The following ADAMTS18 variants were observed in gnomAD, a reference collection of about 807,000 sequenced individuals.
The protein encoded by ADAMTS18 is A disintegrin and metalloproteinase with thrombospondin motifs 18.
Under a neutral mutation model 165.9 loss-of-function variants are expected in ADAMTS18, and 157 were observed. The ratio of observed to expected loss-of-function variants is 0.95; its 90% CI spans 0.83 to 1.08. ADAMTS18 has a LOEUF of 1.08. Ranked by LOEUF, ADAMTS18 falls within the 50% of genes least tolerant of loss-of-function variation. ADAMTS18 has a pLI of 0.00. For missense variants in ADAMTS18, 2,040 were observed against 1,534.0 expected (o/e 1.33, Z -5.51); for synonymous variants, 782 against 578.2 (o/e 1.35, Z -5.06).
intron 3 of ADAMTS18, among the ~76,000 whole-genome samples, chr16:77,425,560 C>T (rs1464120853): frequency 6.6e-6 from 1 of 152,168 alleles, no homozygotes; most frequent in East Asian, 1.9e-4. Context: ...TTTTGCATGT[C>T]TTTTCAATCA....
Position 77,434,840 on chromosome 16 carries a change from G to A in ADAMTS18, c.-145C>T. 4.8e-6 allele frequency: 3 copies of A among 619,346 alleles called. No individual in the cohort carries two copies. The highest frequency in any genetic ancestry group is 7.1e-6 in the Non-Finnish European group (3 of 423,880). The allele number at this position is 619,346 out of a possible 1,614,324, so 38.4% of individuals were successfully genotyped here. On this transcript the variant is annotated 5_prime_UTR_variant, in exon 1 of 23. Coordinates refer to ENST00000282849, the MANE Select transcript of ADAMTS18 (RefSeq NM_199355.4). ...CCGCCGCCGTTCACATCGCAGCGGG[G>A]GCGCGCTGGGACCTCCCCTCCTCCG... is the stretch of plus-strand genomic sequence containing the variant.
At chr16:77,312,668 C>A (rs1053832605) in intron 16 of ADAMTS18, among the ~76,000 whole-genome samples, 2 of 152,162 alleles carry the variant, frequency 1.3e-5, no homozygotes, top group Admixed American at 6.5e-5. Flanking sequence ...AAATAAAGTA[C>A]GAATATGCAG....
At chr16:77,386,011 G>A (rs1275587764) in intron 3 of ADAMTS18, among the ~76,000 whole-genome samples, 1 of 152,184 alleles carries the variant, frequency 6.6e-6, no homozygotes, top group East Asian at 1.9e-4. Context: ...AACATTTCTG[G>A]CTAGCATTTA....
chr16:77,283,890 C>T lies in ADAMTS18; in HGVS notation c.*66G>A, dbSNP rs1487868865. 7.2e-6 allele frequency: 9 copies of T among 1,251,834 alleles called. No homozygotes were observed. Among genetic ancestry groups the T allele is most frequent in the East Asian group, 7.0e-5 (3 of 42,754 alleles). 77.5% of individuals were successfully genotyped at this position (1,251,834 alleles called of 1,614,324 possible). ...GGTGCTCAGCTCCTGGTCTCAAAGG[C>T]AGCTGGTCTCTCTAGAGGTTGAAAG... On this transcript the variant is annotated 3_prime_UTR_variant, in exon 23 of 23. Transcript: ENST00000282849.
In ADAMTS18 at chr16:77,338,042, T is replaced by G. The variant is rs529949123; in HGVS notation, c.1711-2138A>C. ...CCTCAGCCTTCCAAGTAGCTGGGAT[T>G]ATAGGCGCCTGCCACTACACCCAGC... On this transcript the variant is annotated intron_variant, in intron 11 of 22. Transcript: ENST00000282849. Among the ~76,000 whole-genome samples the G allele has an allele frequency of 2.0e-5, 3 of 152,110 alleles. No individual in the cohort carries two copies. The South Asian group carries it at 6.2e-4, about 32-fold the overall frequency.
At chr16:77,428,834 C>G (rs2057704266) in intron 3 of ADAMTS18, among the ~76,000 whole-genome samples, 1 of 152,160 alleles carries the variant, frequency 6.6e-6, no homozygotes, top group Non-Finnish European at 1.5e-5. Context: ...CACAACACTT[C>G]TGGTCCCAAA....
chr16:77,330,426 C>A (rs2056168641), intron 12 of ADAMTS18, among the ~76,000 whole-genome samples: 1 of 152,280 alleles, frequency 6.6e-6, no homozygotes, highest in African/African-American at 2.4e-5. Flanking sequence ...TAATCTGACT[C>A]TGCCATTACC....
rs903016484 is a variant in ADAMTS18, at chr16:77,297,356, A to G, written c.2734T>C (p.Phe912Leu). ...RDQNTQVNSS[F>L]CSAKTKPVTE... ...ACTGGCTTGGTTTTTGCACTGCAGA[A>G]TGAGGAATTGACTTGAGTATTTTGA... Residue 912 changes from phenylalanine to leucine, a missense_variant, in exon 18 of 23, where the codon TTC becomes CTC. Coordinates refer to ENST00000282849, the MANE Select transcript of ADAMTS18 (RefSeq NM_199355.4). 4 of 1,614,058 alleles carry G rather than the reference A, an allele frequency of 2.5e-6. No homozygotes were observed. The highest frequency in any genetic ancestry group is 3.4e-6 in the Non-Finnish European group (4 of 1,179,884).
intron 16 of ADAMTS18, among the ~76,000 whole-genome samples, chr16:77,317,362 C>T (rs2055906179): frequency 6.6e-6 from 1 of 152,190 alleles, no homozygotes; most frequent in Admixed American, 6.5e-5. Flanking sequence ...TGGAGTCTCA[C>T]TCACTCTTTT....
intron 16 of ADAMTS18, among the ~76,000 whole-genome samples, chr16:77,317,623 G>A (rs2055911636): frequency 6.6e-6 from 1 of 152,132 alleles, no homozygotes; most frequent in Non-Finnish European, 1.5e-5. Context: ...TCACTATTCT[G>A]CTTTCTGAAG....
At chr16:77,380,968 G>T (rs2057021608) in intron 3 of ADAMTS18, among the ~76,000 whole-genome samples, 2 of 152,042 alleles carry the variant, frequency 1.3e-5, no homozygotes, top group South Asian at 4.2e-4. Context: ...CCACTTCCTG[G>T]GTTCAAGCAA....
intron 3 of ADAMTS18, among the ~76,000 whole-genome samples, chr16:77,372,812 A>G (rs549471857): frequency 4.1e-4 from 62 of 152,174 alleles, no homozygotes; most frequent in Non-Finnish European, 2.9e-5. Context: ...GACACTTTCT[A>G]TTGACGTCCC....
chr16:77,320,957 GCCA>G (rs2055986370), intron 15 of ADAMTS18, 119 bp downstream of exon 15: 7 of 1,242,044 alleles, frequency 5.6e-6, no homozygotes, highest in Non-Finnish European at 7.1e-6. Flanking sequence ...AGTGAAAAAT[GCCA>G]CCATCACTAG....
At chr16:77,323,417 G>C (rs896874809) in intron 13 of ADAMTS18, among the ~76,000 whole-genome samples, 1 of 152,208 alleles carries the variant, frequency 6.6e-6, no homozygotes, top group East Asian at 1.9e-4. Flanking sequence ...GGGTTAAAAG[G>C]TTCTCTCCCA....
intron 10 of ADAMTS18, among the ~76,000 whole-genome samples, chr16:77,343,714 G>C (rs1459166732): frequency 6.6e-6 from 1 of 152,118 alleles, no homozygotes; most frequent in Admixed American, 6.5e-5. Flanking sequence ...CCAGGCCTCA[G>C]TTTTCTAGTC....
At chr16:77,394,395 G>T (rs1380268014) in intron 3 of ADAMTS18, among the ~76,000 whole-genome samples, 9 of 152,110 alleles carry the variant, frequency 5.9e-5, no homozygotes, top group Admixed American at 5.9e-4. Context: ...AGATGAAAAA[G>T]ACAATAGCTT....
chr16:77,422,740 G>C (rs2057620149), intron 3 of ADAMTS18, among the ~76,000 whole-genome samples: 1 of 152,154 alleles, frequency 6.6e-6, no homozygotes, highest in South Asian at 2.1e-4. Context: ...AACATAGCCT[G>C]AGATGAAGTT....
Position 77,362,100 on chromosome 16 carries a change from C to T in ADAMTS18, c.1216+5G>A, listed in dbSNP as rs1355975547. 2.5e-6 allele frequency: 4 copies of T among 1,613,842 alleles called. No homozygotes were observed. The highest frequency in any genetic ancestry group is 1.7e-5 in the Admixed American group (1 of 60,006). On this transcript the variant is annotated splice_donor_5th_base_variant and intron_variant, in intron 7 of 22. Transcript: ENST00000282849. ...GTGTGTGTGAAGGATCTGTTCATACCATACCTAGAGTGTCACATGGTTCAT... is the reference window on the plus strand; with the variant it reads ...GTGTGTGTGAAGGATCTGTTCATACTATACCTAGAGTGTCACATGGTTCAT...
At chr16:77,349,528 A>C (rs1439348427) in intron 10 of ADAMTS18, among the ~76,000 whole-genome samples, 3 of 148,836 alleles carry the variant, frequency 2.0e-5, no homozygotes, top group African/African-American at 7.3e-5. Flanking sequence ...CTTATGTAAA[A>C]AAAAAAAAAA....
Sources: gnomAD v4.1 joint callset for allele counts (sites outside exome capture counted in the v4.1 genomes callset) on GRCh38, gnomAD v4.1.1 for gene constraint, MANE v1.5 for transcripts, NCBI Gene and HGNC (gene_info 2026-07-23, HGNC 2026-07-21) for gene names.